CBFB: variants seen among roughly 807,000 people sequenced by gnomAD.
CBFB encodes core-binding factor subunit beta.
Under a neutral mutation model 30.4 loss-of-function variants are expected in CBFB, and 9 were observed. The ratio of observed to expected loss-of-function variants is 0.30; its 90% CI spans 0.18 to 0.52. The LOEUF (loss-of-function observed/expected upper bound fraction) is 0.52, where lower values mean the gene tolerates loss of function less well. CBFB is among the 20% of genes least tolerant of loss of function. The pLI, the probability that CBFB is intolerant of heterozygous loss-of-function variation, is 0.97. For synonymous variants in CBFB, 94 were observed against 84.0 expected (o/e 1.12, Z -0.65); for missense variants, 170 against 244.0 (o/e 0.70, Z 2.02).
intron 3 of CBFB, among the ~76,000 whole-genome samples, chr16:67,054,147 GTTTC>G (rs1254551838): frequency 6.6e-6 from 1 of 151,562 alleles, no homozygotes; most frequent in Non-Finnish European, 1.5e-5. Flanking sequence ...TTTTCTTTTT[GTTTC>G]TTTTTCAGTT....
chr16:67,081,509 G>A (rs962744168), intron 4 of CBFB, among the ~76,000 whole-genome samples: 1 of 151,730 alleles, frequency 6.6e-6, no homozygotes, highest in Admixed American at 6.6e-5. Context: ...TGTTTCTGTC[G>A]GAATAAAAAA....
chr16:67,097,014 G>A (rs1962068281), intron 5 of CBFB, among the ~76,000 whole-genome samples: 1 of 151,038 alleles, frequency 6.6e-6, no homozygotes, highest in Non-Finnish European at 1.5e-5. Flanking sequence ...CAGGCAGATG[G>A]CTTGAGCCCA....
At chr16:67,095,470 T>C (rs1444254681) in intron 5 of CBFB, among the ~76,000 whole-genome samples, 1 of 152,102 alleles carries the variant, frequency 6.6e-6, no homozygotes, top group Non-Finnish European at 1.5e-5. Context: ...TGCACCAAGA[T>C]TGCGTCACTG....
chr16:67,044,498 T>A (rs968686056), intron 3 of CBFB, among the ~76,000 whole-genome samples: 1 of 152,206 alleles, frequency 6.6e-6, no homozygotes, highest in African/African-American at 2.4e-5. Flanking sequence ...TTAGAGTAGC[T>A]ACTTTTAAAA....
chr16:67,032,327 A>G (rs984126448), intron 2 of CBFB, among the ~76,000 whole-genome samples: 1 of 152,224 alleles, frequency 6.6e-6, no homozygotes, highest in Non-Finnish European at 1.5e-5. Flanking sequence ...CCGGTCTCCA[A>G]AAATAAAACA....
At chr16:67,048,510 AAGTC>A (rs1291600862) in intron 3 of CBFB, among the ~76,000 whole-genome samples, 1 of 152,132 alleles carries the variant, frequency 6.6e-6, no homozygotes, top group African/African-American at 2.4e-5. Context: ...ATTGAAACGA[AAGTC>A]AGCATCTTAA....
chr16:67,089,588 A>G (rs1961827568), intron 5 of CBFB, among the ~76,000 whole-genome samples: 1 of 152,192 alleles, frequency 6.6e-6, no homozygotes. Context: ...TTGAAATTGT[A>G]TACAGAGCCC....
At chr16:67,029,633 C>G in intron 1 of CBFB, 94 bp from the exon 2 acceptor site, 4 of 1,346,726 alleles carry the variant, frequency 3.0e-6, no homozygotes, top group Non-Finnish European at 4.1e-6. Context: ...CGCCCGCAGC[C>G]TCTGCTTGCC....
intron 3 of CBFB, among the ~76,000 whole-genome samples, chr16:67,051,938 C>CACACACGCAT (rs1208743720): frequency 6.6e-6 from 1 of 151,568 alleles, no homozygotes; most frequent in Admixed American, 6.6e-5. Flanking sequence ...CACACACACA[C>CACACACGCAT]ACACACGCAT....
intron 3 of CBFB, among the ~76,000 whole-genome samples, chr16:67,057,930 G>A (rs950390172): frequency 2.0e-5 from 3 of 151,902 alleles, no homozygotes; most frequent in African/African-American, 7.3e-5. Flanking sequence ...ATCTGAAAGG[G>A]CAAAAAATTA....
At position 67,035,192 on chromosome 16, in the gene CBFB, T is replaced by C. The variant is rs1021806634; in HGVS notation, c.166-1447T>C. Among the ~76,000 whole-genome samples, 13 of 152,154 alleles carry C rather than the reference T, an allele frequency of 8.5e-5. No homozygotes were observed. In the East Asian group the frequency reaches 2.5e-3, roughly 29 times the overall value. On this transcript the variant is annotated intron_variant, in intron 2 of 5. Transcript: ENST00000412916. ...TCTGCCTCCCAGGTTCAAGTGATTC[T>C]CCTGCCTCATCCTCCCAAGTAGCTG...
At chr16:67,029,658 G>GC in intron 1 of CBFB, 69 bp from the exon 2 acceptor site, 2 of 1,438,012 alleles carry the variant, frequency 1.4e-6, no homozygotes, top group Non-Finnish European at 9.6e-7. Flanking sequence ...TCGGCGCTGC[G>GC]CTGGGAGGGC....
intron 5 of CBFB, among the ~76,000 whole-genome samples, chr16:67,095,256 C>T (rs969350090): frequency 2.7e-5 from 4 of 145,804 alleles, no homozygotes; most frequent in South Asian, 2.2e-4. Context: ...CGGTGGCTCA[C>T]GCCTGTAATC....
At chr16:67,066,192 A>G (rs374385562) in intron 3 of CBFB, among the ~76,000 whole-genome samples, 1 of 152,090 alleles carries the variant, frequency 6.6e-6, no homozygotes, top group Non-Finnish European at 1.5e-5. Flanking sequence ...GAAGCAGTGC[A>G]TGCTCTCTTC....
chr16:67,091,447 T>A (rs1961876539), intron 5 of CBFB, among the ~76,000 whole-genome samples: 1 of 152,202 alleles, frequency 6.6e-6, no homozygotes, highest in African/African-American at 2.4e-5. Flanking sequence ...CTTTAAATGC[T>A]CTTGTAAGTT....
At chr16:67,034,680 G>A (rs1415154289) in intron 2 of CBFB, among the ~76,000 whole-genome samples, 1 of 152,196 alleles carries the variant, frequency 6.6e-6, no homozygotes. Context: ...TCTGCAGAGT[G>A]TCTTAGCACA....
At chr16:67,061,956 T>C (rs9930621) in intron 3 of CBFB, among the ~76,000 whole-genome samples, 31,741 of 151,696 alleles carry the variant, frequency 0.21, 6,468 homozygotes, top group African/African-American at 0.54. Flanking sequence ...CCTTTGAACC[T>C]GGGAGGTGGA....
intron 3 of CBFB, among the ~76,000 whole-genome samples, chr16:67,060,649 G>A (rs1960885412): frequency 6.6e-6 from 1 of 152,086 alleles, no homozygotes; most frequent in African/African-American, 2.4e-5. Context: ...TCCGCCTCCT[G>A]GGTTCAAACG....
chr16:67,067,458 C>T (rs919957078), intron 4 of CBFB, among the ~76,000 whole-genome samples: 4 of 152,120 alleles, frequency 2.6e-5, no homozygotes, highest in African/African-American at 7.2e-5. Flanking sequence ...GCAGAGATTG[C>T]GGTGAGCCGA....
Sources: allele counts gnomAD v4.1 joint callset (sites outside exome capture counted in the v4.1 genomes callset), GRCh38; gene constraint gnomAD v4.1.1; transcripts MANE v1.5; gene names NCBI Gene and HGNC (gene_info 2026-07-23, HGNC 2026-07-21).